The following RAB38 variants were observed in gnomAD, a reference collection of about 807,000 sequenced individuals.
The protein encoded by RAB38 is ras-related protein Rab-38.
Under a neutral mutation model 18.4 loss-of-function variants are expected in RAB38, and 15 were observed. That is an observed-to-expected ratio of 0.82 (90% CI 0.55 to 1.26). The LOEUF is 1.26. RAB38 is among the 50% of genes most tolerant of loss of function. The pLI, the probability that RAB38 is intolerant of heterozygous loss-of-function variation, is 0.00. For synonymous variants in RAB38, 101 were observed against 104.4 expected, an observed-to-expected ratio of 0.97 and a Z score of 0.20; for missense variants, 294 against 267.4, an observed-to-expected ratio of 1.10 and a Z score of -0.69.
the RAB38 span, among the ~76,000 whole-genome samples, chr11:87,823,343 A>C: frequency 3.9e-5 from 6 of 152,112 alleles, 1 homozygote; most frequent in African/African-American, 1.4e-4. Context: ...ATTCTCCCCA[A>C]ATTCAGCTAT....
At chr11:87,946,173 C>T in the RAB38 span, among the ~76,000 whole-genome samples, 148 of 152,232 alleles carry the variant, frequency 9.7e-4, no homozygotes, top group African/African-American at 3.4e-3. Context: ...ATCTCTCTAC[C>T]TTCAAGTTTT....
the RAB38 span, among the ~76,000 whole-genome samples, chr11:87,899,731 C>T: frequency 6.6e-6 from 1 of 151,624 alleles, no homozygotes; most frequent in African/African-American, 2.4e-5. Context: ...CATATAATCT[C>T]TCCATCCTAA....
At chr11:88,107,499 A>G in the RAB38 span, among the ~76,000 whole-genome samples, 1 of 151,982 alleles carries the variant, frequency 6.6e-6, no homozygotes, top group African/African-American at 2.4e-5. Context: ...TAAGTGTTTT[A>G]CATGTATTAT....
the RAB38 span, among the ~76,000 whole-genome samples, chr11:87,806,012 G>T: frequency 6.6e-6 from 1 of 152,106 alleles, no homozygotes; most frequent in African/African-American, 2.4e-5. Context: ...AACCCTCACA[G>T]TAACATCTAG....
the RAB38 span, among the ~76,000 whole-genome samples, chr11:87,862,955 T>A: frequency 6.6e-6 from 1 of 151,908 alleles, no homozygotes; most frequent in East Asian, 1.9e-4. Context: ...GCAGTCACTC[T>A]AATTTAGTAA....
chr11:87,947,375 AG>A, the RAB38 span, among the ~76,000 whole-genome samples: 44,851 of 151,856 alleles, frequency 0.3, 6,935 homozygotes, highest in South Asian at 0.42. Context: ...TTTGCTGTGC[AG>A]AAGCTCTTTA....
At chr11:87,864,922 C>A in the RAB38 span, among the ~76,000 whole-genome samples, 1 of 151,808 alleles carries the variant, frequency 6.6e-6, no homozygotes, top group Non-Finnish European at 1.5e-5. Context: ...ATCTATCCAG[C>A]TTCTGTATTT....
chr11:88,168,681 A>C (rs1943272774), intron 1 of RAB38, among the ~76,000 whole-genome samples: 1 of 151,988 alleles, frequency 6.6e-6, no homozygotes, highest in South Asian at 2.1e-4. Flanking sequence ...TTTATATAAA[A>C]TGCAGTAAAA....
chr11:88,047,090 G>C, the RAB38 span, among the ~76,000 whole-genome samples: 1 of 152,116 alleles, frequency 6.6e-6, no homozygotes, highest in Non-Finnish European at 1.5e-5. Context: ...ATCACAAACT[G>C]TGCTCAACTT....
At chr11:87,845,336 AAAAC>A in the RAB38 span, among the ~76,000 whole-genome samples, 5 of 152,202 alleles carry the variant, frequency 3.3e-5, no homozygotes, top group Non-Finnish European at 7.4e-5. Flanking sequence ...TAAAACATCA[AAAAC>A]AAAAGCCTCA....
chr11:87,834,200 A>G, the RAB38 span, among the ~76,000 whole-genome samples: 223 of 152,314 alleles, frequency 1.5e-3, no homozygotes, highest in Middle Eastern at 3.4e-3. Flanking sequence ...AAGACCAGCC[A>G]CCAAAGCTAA....
the RAB38 span, chr11:87,815,875 G>A: frequency 6.6e-6 from 1 of 152,428 alleles, no homozygotes; most frequent in Non-Finnish European, 1.5e-5. Context: ...TGTGTAGGAA[G>A]AGGCAGATGA....
At chr11:88,049,723 C>A in the RAB38 span, among the ~76,000 whole-genome samples, 1 of 152,092 alleles carries the variant, frequency 6.6e-6, no homozygotes, top group South Asian at 2.1e-4. Context: ...AAAGATCCAC[C>A]TACGACCTTG....
At chr11:88,105,212 C>CA in the RAB38 span, among the ~76,000 whole-genome samples, 56,901 of 151,730 alleles carry the variant, frequency 0.38, 11,112 homozygotes, top group East Asian at 0.53. Flanking sequence ...TTATTTATTC[C>CA]AAAAAAGTAT....
At chr11:87,977,894 T>C in the RAB38 span, among the ~76,000 whole-genome samples, 1 of 112,626 alleles carries the variant, frequency 8.9e-6, no homozygotes, top group Non-Finnish European at 1.7e-5. Flanking sequence ...TAGTCATAGA[T>C]TTACATATAA....
the RAB38 span, chr11:87,816,406 A>C: frequency 2.6e-5 from 4 of 152,208 alleles, no homozygotes; most frequent in Non-Finnish European, 4.4e-5. Flanking sequence ...GGGAGGTATA[A>C]TGGTTGATTG....
the RAB38 span, among the ~76,000 whole-genome samples, chr11:87,856,336 T>A: frequency 6.6e-6 from 1 of 152,164 alleles, no homozygotes; most frequent in East Asian, 1.9e-4. Context: ...AGGAATCTTT[T>A]TTTAAAGATG....
At chr11:87,904,903 C>T in the RAB38 span, among the ~76,000 whole-genome samples, 13 of 151,676 alleles carry the variant, frequency 8.6e-5, no homozygotes, top group African/African-American at 3.1e-4. Flanking sequence ...TGGGTTTATA[C>T]GATTATATTT....
the RAB38 span, among the ~76,000 whole-genome samples, chr11:87,884,069 CT>C: frequency 1.3e-5 from 2 of 152,068 alleles, no homozygotes; most frequent in African/African-American, 4.8e-5. Flanking sequence ...GCTTTACTCT[CT>C]TAGATGATTG....
Sources: gnomAD v4.1 joint callset for allele counts (sites outside exome capture counted in the v4.1 genomes callset) on GRCh38, gnomAD v4.1.1 for gene constraint, MANE v1.5 for transcripts, NCBI Gene and HGNC (gene_info 2026-07-23, HGNC 2026-07-21) for gene names.